NKAIN3: variants seen among roughly 807,000 people sequenced by gnomAD.
NKAIN3 encodes the protein sodium/potassium-transporting ATPase subunit beta-1-interacting protein 3.
A neutral mutation model predicts 30.2 loss-of-function variants in NKAIN3; 25 were observed. That is an observed-to-expected ratio of 0.83 (90% confidence interval 0.60 to 1.16). NKAIN3 has a LOEUF of 1.16. Ranked by LOEUF, NKAIN3 falls within the 50% of genes most tolerant of loss-of-function variation. The pLI is 0.00. For missense variants in NKAIN3, 225 were observed against 254.1 expected, an observed-to-expected ratio of 0.89 and a Z score of 0.78; for synonymous variants, 91 against 89.6, an observed-to-expected ratio of 1.02 and a Z score of -0.09.
intron 1 of NKAIN3, among the ~76,000 whole-genome samples, chr8:62,443,904 C>T (rs954520473): frequency 1.3e-5 from 2 of 152,050 alleles, no homozygotes; most frequent in Non-Finnish European, 2.9e-5. Flanking sequence ...CTTGTAAGCA[C>T]TTTGCCTGTA....
chr8:62,375,097 A>G (rs1329499581), intron 1 of NKAIN3, among the ~76,000 whole-genome samples: 1 of 152,238 alleles, frequency 6.6e-6, no homozygotes, highest in African/African-American at 2.4e-5. Context: ...GATTATTCTC[A>G]ATATTGAATT....
chr8:62,858,772 A>C (rs995801289), intron 4 of NKAIN3, among the ~76,000 whole-genome samples: 1 of 152,206 alleles, frequency 6.6e-6, no homozygotes, highest in African/African-American at 2.4e-5. Context: ...TCAGGGCCCC[A>C]TTTCTTCTCA....
chr8:62,321,199 C>G (rs1814883093), intron 1 of NKAIN3, among the ~76,000 whole-genome samples: 1 of 152,172 alleles, frequency 6.6e-6, no homozygotes, highest in African/African-American at 2.4e-5. Context: ...CCTTTAAGGA[C>G]TTCTCTGCAT....
At chr8:62,319,184 C>G (rs1237182137) in intron 1 of NKAIN3, among the ~76,000 whole-genome samples, 9 of 152,120 alleles carry the variant, frequency 5.9e-5, no homozygotes, top group Non-Finnish European at 1.0e-4. Context: ...GTGATATCCC[C>G]TTTATCATTT....
At chr8:62,464,496 G>A (rs1806094130) in intron 1 of NKAIN3, among the ~76,000 whole-genome samples, 1 of 152,164 alleles carries the variant, frequency 6.6e-6, no homozygotes. Context: ...CAGTTACTAT[G>A]TGGGCCGTCT....
At chr8:62,591,884 T>C (rs909331945) in intron 3 of NKAIN3, among the ~76,000 whole-genome samples, 1 of 151,970 alleles carries the variant, frequency 6.6e-6, no homozygotes, top group Non-Finnish European at 1.5e-5. Flanking sequence ...CAAACACAAA[T>C]ACCAGCCACT....
At chr8:62,758,885 T>A (rs10103482) in intron 4 of NKAIN3, among the ~76,000 whole-genome samples, 1 of 152,296 alleles carries the variant, frequency 6.6e-6, no homozygotes, top group South Asian at 2.1e-4. Flanking sequence ...AATCCCAATA[T>A]GAATTTTTGA....
intron 1 of NKAIN3, among the ~76,000 whole-genome samples, chr8:62,437,085 C>G (rs1805194286): frequency 6.6e-6 from 1 of 152,084 alleles, no homozygotes; most frequent in South Asian, 2.1e-4. Context: ...AGGAGAGATG[C>G]AATGATTAAA....
At chr8:62,626,855 C>T (rs1279881802) in intron 3 of NKAIN3, among the ~76,000 whole-genome samples, 2 of 152,116 alleles carry the variant, frequency 1.3e-5, no homozygotes, top group Non-Finnish European at 2.9e-5. Context: ...GTAAGTCAAC[C>T]ACTGTTGCCT....
At chr8:62,990,264 A>G in intron 5 of NKAIN3, 1 of 1,513,238 alleles carries the variant, frequency 6.6e-7, no homozygotes, top group Non-Finnish European at 8.9e-7. Flanking sequence ...CCAAATTGTC[A>G]CATCAGTCAA....
In NKAIN3 at chr8:62,972,690, A is replaced by C. The variant is rs374540366; in HGVS notation, c.*7283A>C. ...ATTTATTTACATTCTTTTTTCATAT[A>C]TATACTTTAAGTTCTGGGATACATG... On this transcript the variant is annotated 3_prime_UTR_variant, in exon 7 of 7. Transcript: ENST00000623646. Among the ~76,000 whole-genome samples, 1 of 151,962 alleles carries C rather than the reference A, an allele frequency of 6.6e-6. No individual in the cohort carries two copies. Among genetic ancestry groups the C allele is most frequent in the African/African-American group, 2.4e-5 (1 of 41,398 alleles).
intron 1 of NKAIN3, among the ~76,000 whole-genome samples, chr8:62,501,981 T>A (rs146122099): frequency 0.012 from 1,767 of 152,256 alleles, 14 homozygotes; most frequent in Non-Finnish European, 0.016. Flanking sequence ...AAAAAAAGAT[T>A]TAAAGTGTTT....
intron 4 of NKAIN3, among the ~76,000 whole-genome samples, chr8:62,797,456 T>C (rs998040328): frequency 2.0e-5 from 3 of 152,178 alleles, no homozygotes; most frequent in Admixed American, 1.3e-4. Context: ...GACTCATCCT[T>C]TTTATACTTG....
chr8:62,900,028 T>TAAA (rs1323414566), intron 4 of NKAIN3, among the ~76,000 whole-genome samples: 1 of 51,622 alleles, frequency 1.9e-5, no homozygotes, highest in East Asian at 1.9e-3. Flanking sequence ...GCTACTGAAA[T>TAAA]TAAAAAAAAA....
intron 3 of NKAIN3, among the ~76,000 whole-genome samples, chr8:62,731,403 T>G (rs759704314): frequency 6.6e-6 from 1 of 151,198 alleles, no homozygotes; most frequent in African/African-American, 2.5e-5. Flanking sequence ...CTGAAAATCT[T>G]TATTAAATCA....
At chr8:62,905,780 C>CT (rs1197672801) in intron 4 of NKAIN3, among the ~76,000 whole-genome samples, 6 of 152,164 alleles carry the variant, frequency 3.9e-5, no homozygotes, top group African/African-American at 1.4e-4. Context: ...TTTTTGGTCT[C>CT]TTTTGCTGGT....
intron 4 of NKAIN3, among the ~76,000 whole-genome samples, chr8:62,892,580 A>G (rs1001333868): frequency 1.3e-5 from 2 of 152,184 alleles, no homozygotes; most frequent in Non-Finnish European, 2.9e-5. Flanking sequence ...AAACCAAATC[A>G]GGCTTGTTAC....
intron 5 of NKAIN3, among the ~76,000 whole-genome samples, chr8:62,933,634 A>C (rs761280165): frequency 2.9e-4 from 44 of 152,188 alleles, no homozygotes; most frequent in Non-Finnish European, 5.7e-4. Context: ...TTTAAATATC[A>C]TACACTATTA....
At chr8:62,553,600 G>A (rs1342962782) in intron 1 of NKAIN3, among the ~76,000 whole-genome samples, 5 of 150,616 alleles carry the variant, frequency 3.3e-5, no homozygotes, top group African/African-American at 1.2e-4. Flanking sequence ...ACAGTGGCGC[G>A]ATCTCGGCTC....
Sources: allele counts gnomAD v4.1 joint callset (sites outside exome capture counted in the v4.1 genomes callset), GRCh38; gene constraint gnomAD v4.1.1; transcripts MANE v1.5; gene names NCBI Gene and HGNC (gene_info 2026-07-23, HGNC 2026-07-21).